The following CCDC126 variants were observed in gnomAD, a reference collection of about 807,000 sequenced individuals.
CCDC126 encodes coiled-coil domain-containing protein 126.
Under a neutral mutation model 11.7 loss-of-function variants are expected in CCDC126, and 5 were observed. That is an observed-to-expected ratio of 0.43 (90% CI 0.22 to 0.90). The LOEUF is 0.90. CCDC126 is among the 40% of genes least tolerant of loss of function. The probability of loss-of-function intolerance (pLI) is 0.27; values close to 1 mark genes in which losing one functional copy is unlikely to be tolerated. For missense variants in CCDC126, 150 were observed against 163.1 expected (o/e 0.92, Z 0.44); for synonymous variants, 60 against 61.9 (o/e 0.97, Z 0.14).
At chr7:23,641,737 A>G (rs1286474198) in intron 3 of CCDC126, among the ~76,000 whole-genome samples, 1 of 152,236 alleles carries the variant, frequency 6.6e-6, no homozygotes, top group Non-Finnish European at 1.5e-5. Context: ...ATTCTAAGGC[A>G]GAAAAGCCTC....
chr7:23,636,442 A>G (rs1429786044), intron 3 of CCDC126, among the ~76,000 whole-genome samples: 1 of 138,220 alleles, frequency 7.2e-6, no homozygotes, highest in Non-Finnish European at 1.6e-5. Context: ...CCGCCATCCC[A>G]TCTAGGAAGT....
Position 23,643,035 on chromosome 7 carries a change from A to T in CCDC126, c.343A>T (p.Asn115Tyr). The change falls in exon 4 of 4, where the codon AAC becomes TAC. Residue 115 changes from asparagine to tyrosine, a missense_variant. Physicochemically the swap from Asn to Tyr is moderately radical, Grantham distance 143. Transcript: ENST00000307471. ...TATTGTTGTGAATGGCTCAGCAGCC[A>T]ACACCACCAATGGTACTAGTGGGAA... is the stretch of plus-strand genomic sequence containing the variant. ...DYIVVNGSAA[N>Y]TTNGTSGNLV... 6.2e-7 allele frequency: 1 copy of T among 1,614,214 alleles called. No homozygotes were observed. Among genetic ancestry groups the T allele is most frequent in the Middle Eastern group, 1.6e-4 (1 of 6,062 alleles).
intron 3 of CCDC126, among the ~76,000 whole-genome samples, chr7:23,636,145 C>T (rs1783206402): frequency 6.6e-6 from 1 of 152,176 alleles, no homozygotes; most frequent in Non-Finnish European, 1.5e-5. Context: ...GGATTGCAGA[C>T]GGAGTCTCGT....
chr7:23,634,433 C>T (rs759047106), intron 3 of CCDC126, among the ~76,000 whole-genome samples: 2 of 152,042 alleles, frequency 1.3e-5, no homozygotes, highest in Admixed American at 6.5e-5. Flanking sequence ...CCAGCCTGGG[C>T]GATAGAGCAA....
At chr7:23,628,513 A>G (rs1458678699) in intron 3 of CCDC126, among the ~76,000 whole-genome samples, 1 of 152,266 alleles carries the variant, frequency 6.6e-6, no homozygotes, top group East Asian at 1.9e-4. Flanking sequence ...CTGTTGCTGC[A>G]CTACCAGCTA....
intron 3 of CCDC126, among the ~76,000 whole-genome samples, chr7:23,633,683 C>T (rs1584215342): frequency 1.3e-5 from 2 of 151,968 alleles, no homozygotes; most frequent in South Asian, 2.1e-4. Flanking sequence ...GGCAACATGG[C>T]GAAACCTTGT....
At chr7:23,640,274 G>T (rs989288530) in intron 3 of CCDC126, among the ~76,000 whole-genome samples, 1 of 151,922 alleles carries the variant, frequency 6.6e-6, no homozygotes, top group Admixed American at 6.6e-5. Context: ...GAGGCAGGCA[G>T]ATCACCTGAG....
intron 3 of CCDC126, among the ~76,000 whole-genome samples, chr7:23,614,401 C>T (rs1031798224): frequency 1.3e-5 from 2 of 152,210 alleles, no homozygotes; most frequent in African/African-American, 4.8e-5. Context: ...GGCTCTACTT[C>T]TCATTCTGCA....
chr7:23,600,679 T>C (rs1393229179), intron 2 of CCDC126, among the ~76,000 whole-genome samples: 2 of 152,162 alleles, frequency 1.3e-5, no homozygotes, highest in African/African-American at 4.8e-5. Flanking sequence ...CTGTTGATAG[T>C]TACTTTAGCT....
At chr7:23,638,727 T>TAAAAAAAAAAAA (rs70954398) in intron 3 of CCDC126, among the ~76,000 whole-genome samples, 4 of 89,668 alleles carry the variant, frequency 4.5e-5, no homozygotes, top group East Asian at 3.0e-4. Context: ...AAAAAAAAAT[T>TAAAAAAAAAAAA]AAAAAAAAAA....
chr7:23,609,307 C>T (rs1199168420), intron 2 of CCDC126, among the ~76,000 whole-genome samples: 1 of 151,992 alleles, frequency 6.6e-6, no homozygotes, highest in African/African-American at 2.4e-5. Context: ...CCTCAGCCTC[C>T]CTAGTAGCTG....
At chr7:23,618,504 T>A (rs1263460075) in intron 3 of CCDC126, among the ~76,000 whole-genome samples, 1 of 151,494 alleles carries the variant, frequency 6.6e-6, no homozygotes, top group African/African-American at 2.4e-5. Context: ...ACTTAGTGGC[T>A]ACCTCCCAAC....
chr7:23,602,055 A>G (rs569250696), intron 2 of CCDC126: 25 of 152,334 alleles, frequency 1.6e-4, no homozygotes, highest in African/African-American at 6.0e-4. Flanking sequence ...GTGGCTAGGG[A>G]GAAACCACTG....
intron 3 of CCDC126, among the ~76,000 whole-genome samples, chr7:23,631,986 AAAAT>A (rs1783124113): frequency 6.6e-6 from 1 of 152,222 alleles, no homozygotes; most frequent in South Asian, 2.1e-4. Context: ...TACAGTATAA[AAAAT>A]AAAAACTGCA....
intron 3 of CCDC126, among the ~76,000 whole-genome samples, chr7:23,634,162 A>G (rs1315228082): frequency 6.6e-6 from 1 of 152,178 alleles, no homozygotes; most frequent in Non-Finnish European, 1.5e-5. Flanking sequence ...AAGATAAAGT[A>G]CGGCCAGGCC....
At chr7:23,607,833 A>G (rs1022874148) in intron 2 of CCDC126, among the ~76,000 whole-genome samples, 1 of 152,206 alleles carries the variant, frequency 6.6e-6, no homozygotes, top group African/African-American at 2.4e-5. Context: ...TCATGGTGTC[A>G]TCTGAAGAAT....
intron 3 of CCDC126, among the ~76,000 whole-genome samples, chr7:23,636,769 T>TGG (rs768299331): frequency 1.3e-4 from 14 of 104,416 alleles, no homozygotes; most frequent in East Asian, 3.0e-4. Context: ...GGGAGGGAGG[T>TGG]GGGGGGGGGG....
intron 3 of CCDC126, among the ~76,000 whole-genome samples, chr7:23,640,283 A>C (rs970713315): frequency 2.0e-5 from 3 of 151,836 alleles, no homozygotes; most frequent in Non-Finnish European, 4.4e-5. Flanking sequence ...AGATCACCTG[A>C]GATCGGGAGT....
At chr7:23,640,177 C>T (rs571159461) in intron 3 of CCDC126, among the ~76,000 whole-genome samples, 2 of 148,410 alleles carry the variant, frequency 1.3e-5, no homozygotes, top group Admixed American at 6.8e-5. Context: ...AGTGAGACTC[C>T]GTCTCAAAAA....
Sources: allele counts gnomAD v4.1 joint callset (sites outside exome capture counted in the v4.1 genomes callset), GRCh38; gene constraint gnomAD v4.1.1; transcripts MANE v1.5; gene names NCBI Gene and HGNC (gene_info 2026-07-23, HGNC 2026-07-21).